C8orf76: variants seen among roughly 807,000 people sequenced by gnomAD.
The protein encoded by C8orf76 is chromosome 8 open reading frame 76.
C8orf76 carries 46 observed loss-of-function variants against 38.1 expected under a neutral mutation model. The observed-to-expected ratio is 1.21, with a 90% CI of 0.95 to 1.54. C8orf76 has a LOEUF of 1.54. Among genes scored for constraint, C8orf76 ranks in the 40% most tolerant of loss-of-function variants. The pLI is 0.00. For missense variants in C8orf76, 461 were observed against 441.6 expected (o/e 1.04, Z -0.39); for synonymous variants, 166 against 167.5 (o/e 0.99, Z 0.07).
At chr8:123,235,252 A>T (rs1378873755) in intron 3 of C8orf76, among the ~76,000 whole-genome samples, 2 of 152,226 alleles carry the variant, frequency 1.3e-5, no homozygotes, top group East Asian at 3.8e-4. Flanking sequence ...TCCAAAAATC[A>T]TGAAAAGAGG....
In C8orf76 at chr8:123,231,507, G is replaced by C; in HGVS notation, c.608C>G (p.Ser203Cys). The change falls in exon 4 of 6, where the codon TCC becomes TGC. Residue 203 changes from serine to cysteine, a missense_variant. Physicochemically the swap from Ser to Cys is moderately radical, Grantham distance 112. Coordinates refer to ENST00000276704, the MANE Select transcript of C8orf76 (RefSeq NM_032847.3). ...GTCTTTTCCTGAGTGTGGAAAGAAG[G>C]ATTTGATAGTTTTGTCACTTGAGGT... ...SFTSSDKTIK[S>C]FFPHSGKDCL... The C allele has an allele frequency of 1.4e-5, 23 of 1,614,232 alleles. No homozygotes were observed. The highest frequency in any genetic ancestry group is 1.9e-5 in the Non-Finnish European group (22 of 1,180,054).
rs541928498 is a variant in C8orf76 at position 123,237,854 on chromosome 8, G to A, written c.301C>T (p.Arg101Trp). 22 of 1,613,964 alleles carry A rather than the reference G, an allele frequency of 1.4e-5. No homozygotes were observed. The highest frequency in any genetic ancestry group is 3.3e-4 in the Middle Eastern group (2 of 6,084). The change falls in exon 3 of 6, where the codon CGG becomes TGG. Residue 101 changes from arginine to tryptophan, a missense_variant. Physicochemically the swap from Arg to Trp is moderately radical, Grantham distance 101 (BLOSUM62 -3). Transcript: ENST00000276704. ...TGCCTACCCAGGTGAGCCAGACACCGAGCCTGACCTTCCTGGACATCCCTT... is the reference window on the plus strand; with the variant it reads ...TGCCTACCCAGGTGAGCCAGACACCAAGCCTGACCTTCCTGGACATCCCTT... ...MKRDVQEGQA[R>W]CLAHLGRHME... is the part of the protein sequence containing the mutation.
intron 4 of C8orf76, among the ~76,000 whole-genome samples, chr8:123,227,489 A>G (rs1487345898): frequency 1.3e-5 from 2 of 152,072 alleles, no homozygotes; most frequent in East Asian, 1.9e-4. Flanking sequence ...CTATGGAAAA[A>G]AACCCAAGAC....
At chr8:123,226,678 T>C (rs752073714) in intron 4 of C8orf76, 46 bp from the exon 5 acceptor site, 1 of 1,544,954 alleles carries the variant, frequency 6.5e-7, no homozygotes, top group Admixed American at 2.3e-5. Flanking sequence ...GTCCCAACGC[T>C]TCCAGATAAA....
Position 123,222,512 on chromosome 8 carries a change from C to T in C8orf76, c.949-2215G>A, listed in dbSNP as rs182204840. ...GTCAAAAATCTGCCAAAACATTCAG[C>T]CACATAAACATTTTAAACTTCCATA... On this transcript the variant is annotated intron_variant, in intron 5 of 5. Transcript: ENST00000276704. Among the ~76,000 whole-genome samples, 44 of 152,172 alleles carry T rather than the reference C, an allele frequency of 2.9e-4. 1 individual carries two copies. The highest frequency in any genetic ancestry group is 9.9e-4 in the African/African-American group (41 of 41,538).
chr8:123,222,864 T>C (rs932759096), intron 5 of C8orf76, among the ~76,000 whole-genome samples: 1 of 152,182 alleles, frequency 6.6e-6, no homozygotes, highest in African/African-American at 2.4e-5. Flanking sequence ...AGGATCAGGG[T>C]AGAAAAAACA....
intron 4 of C8orf76, among the ~76,000 whole-genome samples, chr8:123,228,185 G>T (rs186410776): frequency 6.6e-6 from 1 of 152,052 alleles, no homozygotes; most frequent in Admixed American, 6.6e-5. Flanking sequence ...CTATTCTATC[G>T]TGCAGTGACA....
At position 123,231,536 on chromosome 8, in the gene C8orf76, A is replaced by G. The variant is rs763886272; in HGVS notation, c.579T>C (p.Ser193=). The G allele has an allele frequency of 1.2e-6, 2 of 1,614,244 alleles. No individual in the cohort carries two copies. The highest frequency in any genetic ancestry group is 2.2e-5 in the South Asian group (2 of 91,086). The stretch of plus-strand genomic sequence containing the variant: ...TGATAGTTTTGTCACTTGAGGTGAA[A>G]CTGTGCTGTTTCTGAGATGACGCAA... ...AALASSQKQH[S]FTSSDKTIKS... is the part of the protein sequence containing the mutation. The change falls in exon 4 of 6, where the codon AGT becomes AGC. Residue 193 remains serine (S), a synonymous_variant. Transcript: ENST00000276704.
chr8:123,236,644 C>T lies in C8orf76; in HGVS notation c.357+1154G>A, dbSNP rs947049041. Among the ~76,000 whole-genome samples the T allele has an allele frequency of 2.6e-5, 4 of 151,924 alleles. 1 individual carries two copies. In the South Asian group the frequency reaches 8.3e-4, roughly 32 times the overall value. ...ACTAAAAATACAAAAATTAGCTGGG[C>T]GTGGTGGTGCATGCCTGTAATCCTA... is the stretch of plus-strand genomic sequence containing the variant. On this transcript the variant is annotated intron_variant, in intron 3 of 5. Transcript: ENST00000276704.
At chr8:123,232,629 GC>G (rs1302331207) in intron 3 of C8orf76, among the ~76,000 whole-genome samples, 1 of 152,158 alleles carries the variant, frequency 6.6e-6, no homozygotes, top group Non-Finnish European at 1.5e-5. Context: ...CTGGTGTACG[GC>G]CCCAGGAAAC....
intron 3 of C8orf76, chr8:123,236,866 G>A: frequency 1.2e-6 from 1 of 811,958 alleles, no homozygotes; most frequent in Non-Finnish European, 2.2e-6. Context: ...AGATCTTTGT[G>A]AAGACCCTCA....
rs1825267624 is a variant in C8orf76 at position 123,231,441 on chromosome 8, A to G, written c.674T>C (p.Leu225Ser). ...CFPETLPESS[L>S]FSVEANSSNS... ...ACTGCTATTCGCTTCCACAGAAAAT[A>G]AAGAGCTCTCAGGCAAGGTTTCAGG... Residue 225 changes from leucine to serine, a missense_variant, in exon 4 of 6, where the codon TTA (leucine) becomes TCA (serine). Transcript: ENST00000276704. The G allele has an allele frequency of 6.2e-7, 1 of 1,614,252 alleles. No homozygotes were observed. Among genetic ancestry groups the G allele is most frequent in the Non-Finnish European group, 8.5e-7 (1 of 1,180,036 alleles).
At chr8:123,228,387 G>A (rs777202588) in intron 4 of C8orf76, among the ~76,000 whole-genome samples, 3 of 152,106 alleles carry the variant, frequency 2.0e-5, no homozygotes, top group Non-Finnish European at 2.9e-5. Flanking sequence ...TTGGGAGGCC[G>A]AGGCCAGTGG....
Position 123,222,145 on chromosome 8 carries a change from G to T in C8orf76, c.949-1848C>A, listed in dbSNP as rs920844845. On this transcript the variant is annotated intron_variant, in intron 5 of 5. Coordinates refer to ENST00000276704, the MANE Select transcript of C8orf76 (RefSeq NM_032847.3). ...CTGGGATTACAGGCGTGCGCCACCA[G>T]GCCTGGCTAATTTTTGTATTTTTAG... is the stretch of plus-strand genomic sequence containing the variant. 5.9e-5 allele frequency among the ~76,000 whole-genome samples: 9 copies of T among 151,782 alleles called. No homozygotes were observed. In the South Asian group the frequency reaches 1.9e-3, roughly 32 times the overall value.
In C8orf76 at chr8:123,224,307, T is replaced by C. The variant is rs1824966380; in HGVS notation, c.948+2193A>G. On this transcript the variant is annotated intron_variant, in intron 5 of 5. Coordinates refer to ENST00000276704, the MANE Select transcript of C8orf76 (RefSeq NM_032847.3). ...CAGGGCTATGTTATTACAAGTCAAC[T>C]AAAATTAAAAGCACAAAATAAAGGC... is the stretch of plus-strand genomic sequence containing the variant. 2.0e-5 allele frequency among the ~76,000 whole-genome samples: 3 copies of C among 152,112 alleles called. No homozygotes were observed. In the South Asian group the frequency reaches 6.2e-4, roughly 32 times the overall value.
chr8:123,220,251 G>C lies in C8orf76; in HGVS notation c.995C>G (p.Pro332Arg). ...IPEKIKDEVHPEVKCVGSVAL... is the reference protein window; with the variant it reads ...IPEKIKDEVHREVKCVGSVAL... ...TACGGAGCCAACACACTTCACCTCT[G>C]GGTGAACTTCATCTTTTATTTTTTC... The change falls in exon 6 of 6, where the codon CCA becomes CGA. Residue 332 changes from proline to arginine, a missense_variant. Transcript: ENST00000276704. 1 of 1,609,170 alleles carries C rather than the reference G, an allele frequency of 6.2e-7. No individual in the cohort carries two copies. The highest frequency in any genetic ancestry group is 8.5e-7 in the Non-Finnish European group (1 of 1,178,314).
rs931294495 is a variant in C8orf76 at position 123,241,193 on chromosome 8, G to C, written c.117+37C>G. The C allele has an allele frequency of 5.8e-6, 9 of 1,540,614 alleles. No homozygotes were observed. In the African/African-American group the frequency reaches 1.0e-4, roughly 17 times the overall value. On this transcript the variant is annotated intron_variant, in intron 1 of 5. Coordinates refer to ENST00000276704, the MANE Select transcript of C8orf76 (RefSeq NM_032847.3). ...GGGGCCCCGCGGAGGGCGAGGCCTG[G>C]GGCCCGGGATAAGGCGAAGAGGCCC...
At chr8:123,227,938 C>A (rs1355253921) in intron 4 of C8orf76, among the ~76,000 whole-genome samples, 1 of 152,168 alleles carries the variant, frequency 6.6e-6, no homozygotes, top group African/African-American at 2.4e-5. Flanking sequence ...CTTCGTTACC[C>A]CTTTGATGTA....
chr8:123,236,931 A>T, intron 3 of C8orf76: 1 of 1,434,808 alleles, frequency 7.0e-7, no homozygotes, highest in Non-Finnish European at 9.8e-7. Context: ...ATTCAGGACA[A>T]GGAGGGCATC....
Sources: allele counts gnomAD v4.1 joint callset (sites outside exome capture counted in the v4.1 genomes callset), GRCh38; gene constraint gnomAD v4.1.1; transcripts MANE v1.5; gene names NCBI Gene and HGNC (gene_info 2026-07-23, HGNC 2026-07-21).